The following MS4A13 variants were observed in gnomAD, a reference collection of about 807,000 sequenced individuals.
The protein encoded by MS4A13 is membrane spanning 4-domains A13.
Under a neutral mutation model 18.4 loss-of-function variants are expected in MS4A13, and 21 were observed. The observed-to-expected ratio is 1.14, with a 90% CI of 0.81 to 1.64. MS4A13 has a LOEUF of 1.64. MS4A13 is among the 40% of genes most tolerant of loss of function. MS4A13 has a pLI of 0.00. For missense variants in MS4A13, 173 were observed against 176.8 expected, an observed-to-expected ratio of 0.98 and a Z score of 0.12; for synonymous variants, 62 against 57.2, an observed-to-expected ratio of 1.08 and a Z score of -0.38.
chr11:60,531,612 C>T (rs1590877384), intron 6 of MS4A13, among the ~76,000 whole-genome samples: 1 of 152,300 alleles, frequency 6.6e-6, no homozygotes, highest in African/African-American at 2.4e-5. Flanking sequence ...TAACAAAGCA[C>T]CACAGACTGT....
chr11:60,542,127 A>G (rs2086864109), intron 6 of MS4A13, among the ~76,000 whole-genome samples: 1 of 151,586 alleles, frequency 6.6e-6, no homozygotes, highest in Non-Finnish European at 1.5e-5. Flanking sequence ...GAAAAAAAAA[A>G]AAAACCCAAG....
chr11:60,523,762 A>G, intron 3 of MS4A13, 135 bp from the exon 4 acceptor site: 2 of 596,994 alleles, frequency 3.4e-6, no homozygotes, highest in East Asian at 3.0e-5. Context: ...GTCCTGACCC[A>G]TCTACTAAAA....
Position 60,525,271 on chromosome 11 carries a change from CAAT to C in MS4A13, c.256_258del (p.Ile86del), listed in dbSNP as rs749816329. On this transcript the variant is annotated inframe_deletion, in exon 5 of 7. Coordinates refer to ENST00000378186, the MANE Select transcript of MS4A13 (RefSeq NM_001012417.3). ...ACTACAATTACTGCAGTAACTCTAA[CAAT>C]AATAGAGTTGTCTCATTTTAATTCT... 3 of 1,570,838 alleles carry C rather than the reference CAAT, an allele frequency of 1.9e-6. No homozygotes were observed. Among genetic ancestry groups the C allele is most frequent in the Middle Eastern group, 1.7e-4 (1 of 5,772 alleles).
In MS4A13 at chr11:60,524,662, C is replaced by CTT. The variant is rs11338863; in HGVS notation, c.187-528_187-527dup. Among the ~76,000 whole-genome samples the CTT allele has an allele frequency of 2.8e-3, 288 of 104,382 alleles. 1 individual carries two copies. Among genetic ancestry groups the CTT allele is most frequent in the Middle Eastern group, 0.015 (3 of 200 alleles). The allele number at this position is 104,382 out of a possible 152,430, so 68.5% of individuals were successfully genotyped here. On this transcript the variant is annotated intron_variant, in intron 4 of 6. Transcript: ENST00000378186. ...ACCTATAACATTGAAAAACACAATA[C>CTT]TTTTTTTTTTTTTTTTTTGAGATGG...
chr11:60,540,835 T>C (rs1201391498), intron 6 of MS4A13, among the ~76,000 whole-genome samples: 1 of 151,744 alleles, frequency 6.6e-6, no homozygotes, highest in Non-Finnish European at 1.5e-5. Flanking sequence ...ATGCCTGTGG[T>C]CCCAGCTACT....
At chr11:60,533,822 T>C (rs11230372) in intron 6 of MS4A13, among the ~76,000 whole-genome samples, 2 of 76,522 alleles carry the variant, frequency 2.6e-5, no homozygotes, top group African/African-American at 5.7e-5. Flanking sequence ...ACAGTGGATC[T>C]CTCGGCAGAA....
At position 60,515,435 on chromosome 11, in the gene MS4A13, C is replaced by A. The variant is rs536073714; in HGVS notation, c.-301C>A. The A allele has an allele frequency of 6.6e-6, 1 of 152,328 alleles. No homozygotes were observed. The highest frequency in any genetic ancestry group is 1.5e-5 in the Non-Finnish European group (1 of 68,118). The allele number at this position is 152,328 out of a possible 1,614,324, so 9.4% of individuals were successfully genotyped here. The stretch of plus-strand genomic sequence containing the variant: ...TGAGAGCCGGCCGGGTGCTGGGCTC[C>A]TGGCTATCCCTGTGATGGTAGCTCA... On this transcript the variant is annotated 5_prime_UTR_variant, in exon 1 of 7. In the 5' UTR this introduces an upstream ATG that the reference lacks. Transcript: ENST00000378186.
intron 5 of MS4A13, among the ~76,000 whole-genome samples, chr11:60,527,420 G>GTGTGTGTGTT (rs2086726608): frequency 6.8e-6 from 1 of 147,492 alleles, no homozygotes; most frequent in African/African-American, 2.6e-5. Context: ...CTGTGTGTGT[G>GTGTGTGTGTT]TGTGTGTGTG....
intron 5 of MS4A13, 152 bp downstream of exon 5, chr11:60,525,478 A>T: frequency 2.0e-6 from 1 of 498,670 alleles, no homozygotes; most frequent in Non-Finnish European, 3.4e-6. Context: ...TAAATCAAAA[A>T]TAATTCTAGG....
chr11:60,530,280 C>T (rs1251465492), intron 6 of MS4A13, among the ~76,000 whole-genome samples: 1 of 152,062 alleles, frequency 6.6e-6, no homozygotes, highest in Non-Finnish European at 1.5e-5. Flanking sequence ...AGGCAATAAA[C>T]AAACACATAA....
chr11:60,538,826 A>G (rs982811753), intron 6 of MS4A13, among the ~76,000 whole-genome samples: 7 of 135,836 alleles, frequency 5.2e-5, no homozygotes, highest in Non-Finnish European at 9.4e-5. Context: ...TATCTGGCTG[A>G]TGGCAGAAAG....
At position 60,527,362 on chromosome 11, in the gene MS4A13, G is replaced by GTCTCTC. The variant is rs1313348420; in HGVS notation, c.307-1959_307-1954dup. Among the ~76,000 whole-genome samples, 55 of 62,458 alleles carry GTCTCTC rather than the reference G, an allele frequency of 8.8e-4. 3 individuals are homozygous for GTCTCTC. The highest frequency in any genetic ancestry group is 3.9e-3 in the African/African-American group (53 of 13,680). The allele number at this position is 62,458 out of a possible 152,430, so 41.0% of individuals were successfully genotyped here. On this transcript the variant is annotated intron_variant, in intron 5 of 6. Transcript: ENST00000378186. ...CATCTGCCAGGAACTCATTCATTCCGTCTCTCTCTCTCTCTCTCTCTCTCT... is the reference window on the plus strand; with the variant it reads ...CATCTGCCAGGAACTCATTCATTCCGTCTCTCTCTCTCTCTCTCTCTCTCTCTCTCT...
chr11:60,542,024 C>T (rs773655490), intron 6 of MS4A13, among the ~76,000 whole-genome samples: 6 of 151,102 alleles, frequency 4.0e-5, no homozygotes, highest in African/African-American at 7.3e-5. Context: ...TCTCTTGAGT[C>T]TGAACCTGAA....
At chr11:60,521,249 A>T (rs1301828000) in intron 3 of MS4A13, among the ~76,000 whole-genome samples, 1 of 152,128 alleles carries the variant, frequency 6.6e-6, no homozygotes, top group Non-Finnish European at 1.5e-5. Context: ...CATTTTCCCC[A>T]TTGTCTTGAG....
In MS4A13 at chr11:60,520,493, C is replaced by G. The variant is rs138954198; in HGVS notation, c.129+2281C>G. Among the ~76,000 whole-genome samples the G allele has an allele frequency of 5.6e-3, 848 of 152,278 alleles. 8 individuals carry two copies. The highest frequency in any genetic ancestry group is 0.018 in the African/African-American group (762 of 41,554). On this transcript the variant is annotated intron_variant, in intron 3 of 6. Coordinates refer to ENST00000378186, the MANE Select transcript of MS4A13 (RefSeq NM_001012417.3). ...TGAGTAAATACAGCTGTTCCAAATG[C>G]GAGAAATTGGTTGAAACAAAGGCTA...
chr11:60,530,642 C>T (rs1383089953), intron 6 of MS4A13, among the ~76,000 whole-genome samples: 1 of 152,192 alleles, frequency 6.6e-6, no homozygotes, highest in African/African-American at 2.4e-5. Context: ...TCAGTAAGAA[C>T]AGTGCATGTC....
At chr11:60,542,320 G>GAAGAAAGA (rs915674313) in intron 6 of MS4A13, among the ~76,000 whole-genome samples, 199 bp from the exon 7 acceptor site, 1 of 150,620 alleles carries the variant, frequency 6.6e-6, no homozygotes, top group East Asian at 1.9e-4. Context: ...GGGAGGAAGG[G>GAAGAAAGA]AAGAAAGAAA....
At chr11:60,532,463 C>A (rs1406850744) in intron 6 of MS4A13, among the ~76,000 whole-genome samples, 1 of 152,218 alleles carries the variant, frequency 6.6e-6, no homozygotes, top group African/African-American at 2.4e-5. Context: ...GCTTTTCAGA[C>A]CGGCTCAAAA....
intron 5 of MS4A13, among the ~76,000 whole-genome samples, chr11:60,525,585 G>A (rs1407936185): frequency 6.6e-6 from 1 of 152,200 alleles, no homozygotes; most frequent in Non-Finnish European, 1.5e-5. Flanking sequence ...AAGTGTCTAT[G>A]TATTAGGCAC....
Sources: gnomAD v4.1 joint callset for allele counts (sites outside exome capture counted in the v4.1 genomes callset) on GRCh38, gnomAD v4.1.1 for gene constraint, MANE v1.5 for transcripts, NCBI Gene and HGNC (gene_info 2026-07-23, HGNC 2026-07-21) for gene names.